TRDN: variants seen among roughly 807,000 people sequenced by gnomAD.
The protein encoded by TRDN is triadin, also known as triadin in skeletal muscle.
In TRDN, 161 loss-of-function variants were observed where a neutral mutation model predicts 149.7. The ratio of observed to expected loss-of-function variants is 1.08; its 90% CI spans 0.95 to 1.23. TRDN has a LOEUF of 1.23. TRDN is among the 50% of genes most tolerant of loss of function. TRDN has a pLI of 0.00. For synonymous variants in TRDN, 294 were observed against 250.5 expected, an observed-to-expected ratio of 1.17 and a Z score of -1.64; for missense variants, 896 against 823.5, an observed-to-expected ratio of 1.09 and a Z score of -1.08.
At chr6:123,437,296 T>C in intron 12 of TRDN, 1 of 273,746 alleles carries the variant, frequency 3.7e-6, no homozygotes, top group Non-Finnish European at 7.1e-6. Flanking sequence ...CAGCAGCTCC[T>C]AATCTCCCTT....
At chr6:123,239,389 A>T (rs1261125634) in intron 38 of TRDN, among the ~76,000 whole-genome samples, 1 of 152,194 alleles carries the variant, frequency 6.6e-6, no homozygotes, top group Non-Finnish European at 1.5e-5. Context: ...CAGGGTAATT[A>T]AAAAGACAAT....
intron 9 of TRDN, among the ~76,000 whole-genome samples, chr6:123,479,235 T>C (rs948622836): frequency 6.6e-6 from 1 of 152,174 alleles, no homozygotes; most frequent in Non-Finnish European, 1.5e-5. Flanking sequence ...CCCAATCATT[T>C]ATAGTTCTAG....
At chr6:123,250,245 G>A (rs1429297383) in intron 38 of TRDN, among the ~76,000 whole-genome samples, 1 of 152,056 alleles carries the variant, frequency 6.6e-6, no homozygotes, top group Non-Finnish European at 1.5e-5. Flanking sequence ...TGGAGGACCT[G>A]GTCCCTGCTA....
rs945238656 is a variant in TRDN, at chr6:123,477,392, T to C, written c.854-12409A>G. ...CTCACACCAGTTAGAATGGCAATCA[T>C]TAAAAAGTCAGGAAACAACAGGTGC... On this transcript the variant is annotated intron_variant, in intron 9 of 40. Transcript: ENST00000334268. 2.0e-5 allele frequency among the ~76,000 whole-genome samples: 3 copies of C among 148,506 alleles called. No individual in the cohort carries two copies. The South Asian group carries it at 6.9e-4, about 34-fold the overall frequency.
chr6:123,451,092 G>A (rs1259626977), intron 10 of TRDN, among the ~76,000 whole-genome samples: 1 of 152,030 alleles, frequency 6.6e-6, no homozygotes, highest in African/African-American at 2.4e-5. Flanking sequence ...CTGGGATTCA[G>A]CAAAGGCAGT....
Position 123,251,442 on chromosome 6 carries a change from C to A in TRDN, c.1975+970G>T, listed in dbSNP as rs566389940. Among the ~76,000 whole-genome samples, 5 of 151,976 alleles carry A rather than the reference C, an allele frequency of 3.3e-5. No individual in the cohort carries two copies. The East Asian group carries it at 9.7e-4, about 29-fold the overall frequency. ...CAAAAAAAGAATGTAGGGATAAATA[C>A]TTTTCTATATTGATTATATATTGAA... On this transcript the variant is annotated intron_variant, in intron 38 of 40. Coordinates refer to ENST00000334268, the MANE Select transcript of TRDN (RefSeq NM_006073.4).
chr6:123,272,823 A>C, intron 29 of TRDN, 141 bp downstream of exon 29: 1 of 647,262 alleles, frequency 1.5e-6, no homozygotes, highest in East Asian at 3.4e-5. Context: ...AAGATGACTA[A>C]AATTGGAGAT....
chr6:123,608,309 A>T (rs1784614128), intron 1 of TRDN, among the ~76,000 whole-genome samples: 1 of 152,178 alleles, frequency 6.6e-6, no homozygotes. Context: ...AATTTAATTT[A>T]AAAAATACTT....
At chr6:123,354,259 G>A (rs1780575408) in intron 20 of TRDN, among the ~76,000 whole-genome samples, 1 of 151,830 alleles carries the variant, frequency 6.6e-6, no homozygotes, top group Non-Finnish European at 1.5e-5. Flanking sequence ...GCAAAAATGA[G>A]TGCACATTAT....
intron 20 of TRDN, among the ~76,000 whole-genome samples, chr6:123,354,809 A>T (rs776374052): frequency 4.6e-5 from 7 of 151,822 alleles, no homozygotes; most frequent in Non-Finnish European, 8.9e-5. Flanking sequence ...AATTTCAGGC[A>T]CCAGCAATAG....
At chr6:123,455,430 G>C (rs1054364253) in intron 10 of TRDN, among the ~76,000 whole-genome samples, 3 of 149,724 alleles carry the variant, frequency 2.0e-5, no homozygotes, top group Non-Finnish European at 4.5e-5. Context: ...GTGTGTGTGT[G>C]TGTGTGTGTC....
chr6:123,597,297 C>T (rs993693962), intron 1 of TRDN, among the ~76,000 whole-genome samples: 18 of 152,084 alleles, frequency 1.2e-4, no homozygotes, highest in African/African-American at 1.7e-4. Context: ...ACTGAACTGC[C>T]GCAATCTCAT....
chr6:123,438,299 G>A (rs1342997905), intron 11 of TRDN, among the ~76,000 whole-genome samples, 177 bp from the exon 12 acceptor site: 1 of 151,008 alleles, frequency 6.6e-6, no homozygotes, highest in Non-Finnish European at 1.5e-5. Context: ...AGTGGCTTAG[G>A]TATAATTTCT....
chr6:123,321,139 A>C (rs1779228130), intron 23 of TRDN, among the ~76,000 whole-genome samples: 1 of 152,140 alleles, frequency 6.6e-6, no homozygotes, highest in Admixed American at 6.6e-5. Context: ...ACTGCCAGAC[A>C]CCAGTTCTGG....
intron 1 of TRDN, among the ~76,000 whole-genome samples, chr6:123,612,534 T>C (rs1402057653): frequency 1.3e-5 from 2 of 152,008 alleles, no homozygotes; most frequent in Non-Finnish European, 1.5e-5. Context: ...GAATCACTTG[T>C]GTTAAATCTT....
chr6:123,223,258 C>A lies in TRDN; in HGVS notation c.2014+835G>T, dbSNP rs558334198. Among the ~76,000 whole-genome samples, 60 of 151,578 alleles carry A rather than the reference C, an allele frequency of 4.0e-4. 2 individuals are homozygous for A. In the South Asian group the frequency reaches 0.012, roughly 30 times the overall value. On this transcript the variant is annotated intron_variant, in intron 39 of 40. Transcript: ENST00000334268. ...TAATGAGAAAACATGAACACAAAGA[C>A]GGGAGGAACAGACACTGAGGCCTAC...
intron 9 of TRDN, among the ~76,000 whole-genome samples, chr6:123,479,993 A>G (rs1053161117): frequency 1.3e-4 from 20 of 152,132 alleles, no homozygotes; most frequent in African/African-American, 4.3e-4. Context: ...TCAAAGTTAT[A>G]ATGAACTCAA....
At chr6:123,423,679 G>C (rs1420829874) in intron 12 of TRDN, among the ~76,000 whole-genome samples, 1 of 152,084 alleles carries the variant, frequency 6.6e-6, no homozygotes, top group Non-Finnish European at 1.5e-5. Flanking sequence ...AGGAGGTCAG[G>C]GGAATAGTAC....
chr6:123,571,563 T>C (rs1782580558), intron 1 of TRDN, among the ~76,000 whole-genome samples: 1 of 152,108 alleles, frequency 6.6e-6, no homozygotes, highest in African/African-American at 2.4e-5. Flanking sequence ...TTAGAAAGTC[T>C]TACTATATCC....
Sources: gnomAD v4.1 joint callset for allele counts (sites outside exome capture counted in the v4.1 genomes callset) on GRCh38, gnomAD v4.1.1 for gene constraint, MANE v1.5 for transcripts, NCBI Gene and HGNC (gene_info 2026-07-23, HGNC 2026-07-21) for gene names.